Variants in PLBD2 observed in about 807,000 individuals in gnomAD.
PLBD2 encodes the protein phospholipase B domain containing 2, also known as putative aminopeptidase PLBD2.
Under a neutral mutation model 68.3 loss-of-function variants are expected in PLBD2, and 51 were observed. The observed-to-expected ratio is 0.75, with a 90% CI of 0.60 to 0.94. The LOEUF is 0.94. PLBD2 is among the 40% of genes least tolerant of loss of function. The probability of loss-of-function intolerance (pLI) is 0.00; values close to 1 mark genes in which losing one functional copy is unlikely to be tolerated. For synonymous variants in PLBD2, 314 were observed against 339.3 expected, an observed-to-expected ratio of 0.93 and a Z score of 0.82; for missense variants, 729 against 792.2, an observed-to-expected ratio of 0.92 and a Z score of 0.96.
At position 113,386,874 on chromosome 12, in the gene PLBD2, G is replaced by A; in HGVS notation, c.1287-63G>A. 1.9e-6 allele frequency: 3 copies of A among 1,577,508 alleles called. No individual in the cohort carries two copies. In the South Asian group the frequency reaches 3.5e-5, roughly 19 times the overall value. ...TGGTGTGACTGCCCCTCCCCTCCCT[G>A]GCCACAGCCTTGGCTGAGTGAGGCC... is the stretch of plus-strand genomic sequence containing the variant. On this transcript the variant is annotated intron_variant, in intron 9 of 11. Transcript: ENST00000280800.
At chr12:113,381,606 G>T (rs748187389) in intron 6 of PLBD2, among the ~76,000 whole-genome samples, 5 of 152,040 alleles carry the variant, frequency 3.3e-5, no homozygotes, top group Non-Finnish European at 2.9e-5. Flanking sequence ...CAGGCGGTGG[G>T]TGAGGGAACC....
rs936324058 is a variant in PLBD2 at position 113,390,127 on chromosome 12, C to T, written c.*1501C>T. 2.6e-5 allele frequency: 4 copies of T among 152,092 alleles called. No homozygotes were observed. The highest frequency in any genetic ancestry group is 6.5e-5 in the Admixed American group (1 of 15,272). The allele number at this position is 152,092 out of a possible 1,614,324, so 9.4% of individuals were successfully genotyped here. ...CTTTTTTGTATTGGTCTGTATACCA[C>T]AGCATGGCTTACGAAGTTCTTATCT... On this transcript the variant is annotated 3_prime_UTR_variant, in exon 12 of 12. Coordinates refer to ENST00000280800, the MANE Select transcript of PLBD2 (RefSeq NM_173542.4).
At chr12:113,385,431 T>G (rs2136923244) in intron 9 of PLBD2, 148 bp downstream of exon 9, 3 of 734,426 alleles carry the variant, frequency 4.1e-6, no homozygotes, top group East Asian at 5.4e-5. Context: ...CCAGACAGTT[T>G]GGCAGTGTAG....
At chr12:113,362,795 T>A (rs542562063) in intron 1 of PLBD2, among the ~76,000 whole-genome samples, 32 of 151,732 alleles carry the variant, frequency 2.1e-4, no homozygotes, top group East Asian at 5.9e-4. Flanking sequence ...TGATTTATTT[T>A]TTTTTTTTGA....
intron 3 of PLBD2, among the ~76,000 whole-genome samples, chr12:113,373,305 G>A (rs1049066549): frequency 1.8e-4 from 27 of 152,240 alleles, no homozygotes; most frequent in African/African-American, 6.5e-4. Context: ...CACTGGCTAG[G>A]CCATCATTGG....
chr12:113,365,536 A>G (rs958624096), intron 1 of PLBD2, among the ~76,000 whole-genome samples: 4 of 151,806 alleles, frequency 2.6e-5, no homozygotes, highest in Non-Finnish European at 4.4e-5. Context: ...CTGGTCTCAA[A>G]CTCCTGACCT....
intron 1 of PLBD2, among the ~76,000 whole-genome samples, chr12:113,367,504 C>T (rs540945522): frequency 2.0e-5 from 3 of 152,138 alleles, no homozygotes; most frequent in Non-Finnish European, 4.4e-5. Context: ...AATCCCATCA[C>T]TTTGGGAGGC....
At chr12:113,374,438 G>A (rs755331284) in intron 3 of PLBD2, 36 bp from the exon 4 acceptor site, 37 of 1,374,512 alleles carry the variant, frequency 2.7e-5, no homozygotes, top group Middle Eastern at 2.1e-4. Flanking sequence ...TGGAGGAGAG[G>A]CCTCACCCTC....
At chr12:113,362,663 A>T (rs939205389) in intron 1 of PLBD2, among the ~76,000 whole-genome samples, 2 of 152,036 alleles carry the variant, frequency 1.3e-5, no homozygotes, top group Non-Finnish European at 2.9e-5. Context: ...AAGCAAGTGC[A>T]TTAAAAACAA....
intron 5 of PLBD2, among the ~76,000 whole-genome samples, chr12:113,378,291 C>CAAA (rs34764422): frequency 7.6e-6 from 1 of 131,534 alleles, no homozygotes. Context: ...GCCTCTGTCT[C>CAAA]AAAAAAAAAA....
chr12:113,376,532 C>T (rs1286456682), intron 5 of PLBD2, among the ~76,000 whole-genome samples: 2 of 152,172 alleles, frequency 1.3e-5, no homozygotes, highest in Middle Eastern at 3.2e-3. Context: ...AGAATAGGCT[C>T]CACCATTTGC....
intron 1 of PLBD2, among the ~76,000 whole-genome samples, chr12:113,362,443 G>T (rs1355525907): frequency 6.6e-5 from 10 of 152,030 alleles, no homozygotes; most frequent in Admixed American, 6.6e-4. Context: ...GCTGATATTT[G>T]TGAGATATTT....
intron 4 of PLBD2, 89 bp downstream of exon 4, chr12:113,374,663 A>G (rs1719921808): frequency 2.1e-6 from 3 of 1,450,518 alleles, no homozygotes; most frequent in African/African-American, 1.4e-5. Context: ...CAACCTTGCC[A>G]CTCCCTGGCT....
intron 1 of PLBD2, chr12:113,359,284 C>G (rs1957264733): frequency 5.4e-6 from 1 of 186,668 alleles, no homozygotes; most frequent in African/African-American, 2.4e-5. Context: ...CCCCCTGTCC[C>G]CAGGCCTGAG....
At chr12:113,373,401 A>G (rs775135007) in intron 3 of PLBD2, among the ~76,000 whole-genome samples, 3 of 152,234 alleles carry the variant, frequency 2.0e-5, no homozygotes, top group Non-Finnish European at 1.5e-5. Context: ...TAAAGTGGCC[A>G]TCAATGCCTG....
intron 2 of PLBD2, among the ~76,000 whole-genome samples, chr12:113,371,146 A>T (rs1192074761): frequency 1.3e-5 from 2 of 152,230 alleles, no homozygotes; most frequent in African/African-American, 4.8e-5. Flanking sequence ...ATGCAGATGG[A>T]GGCATGCATT....
chr12:113,361,486 C>T (rs117054079), intron 1 of PLBD2, among the ~76,000 whole-genome samples: 2,919 of 151,480 alleles, frequency 0.019, 42 homozygotes, highest in Non-Finnish European at 0.03. Context: ...ACTATAGATA[C>T]GCACCCCCAT....
chr12:113,379,889 A>T (rs1168141121), intron 5 of PLBD2, among the ~76,000 whole-genome samples: 1 of 152,346 alleles, frequency 6.6e-6, no homozygotes, highest in East Asian at 1.9e-4. Context: ...TAACACATAC[A>T]CATATACCCA....
intron 1 of PLBD2, among the ~76,000 whole-genome samples, chr12:113,364,669 C>T (rs1957326799): frequency 6.6e-6 from 1 of 152,014 alleles, no homozygotes; most frequent in South Asian, 2.1e-4. Flanking sequence ...GCTTTATTGT[C>T]CAGGCTGGTC....
Sources: gnomAD v4.1 joint callset for allele counts (sites outside exome capture counted in the v4.1 genomes callset) on GRCh38, gnomAD v4.1.1 for gene constraint, MANE v1.5 for transcripts, NCBI Gene and HGNC (gene_info 2026-07-23, HGNC 2026-07-21) for gene names.